The following OR13C4 variants were observed in gnomAD, a reference collection of about 807,000 sequenced individuals.
The protein encoded by OR13C4 is olfactory receptor family 13 subfamily C member 4, also known as olfactory receptor 13C4.
For synonymous variants in OR13C4, 138 were observed against 140.8 expected (o/e 0.98, Z 0.14); for missense variants, 383 against 381.7 (o/e 1.00, Z -0.03).
In OR13C4 at chr9:104,526,989, G is replaced by T. The variant is rs753908892; in HGVS notation, c.221C>A (p.Thr74Lys). 7 of 1,614,138 alleles carry T rather than the reference G, an allele frequency of 4.3e-6. No homozygotes were observed. In the South Asian group the frequency reaches 4.4e-5, roughly 10 times the overall value. ...GNLSFLDICY[T>K]TSSIPSTLVS... Reference sequence around the variant, plus strand: ...CAGTGTTGAGGGAATGGAGGAGGTTGTATAGCAGATATCCAGGAAAGAGAG... The same window carrying T: ...CAGTGTTGAGGGAATGGAGGAGGTTTTATAGCAGATATCCAGGAAAGAGAG... The change falls in exon 1 of 1, where the codon ACA becomes AAA. Residue 74 changes from threonine to lysine, a missense_variant. By Grantham distance (78) the Thr-to-Lys change is moderately conservative. Transcript: ENST00000277216.
In OR13C4 at chr9:104,526,881, G is replaced by T. The variant is rs1441840803; in HGVS notation, c.329C>A (p.Thr110Lys). The T allele has an allele frequency of 1.9e-6, 3 of 1,614,040 alleles. No homozygotes were observed. Among genetic ancestry groups the T allele is most frequent in the Admixed American group, 1.7e-5 (1 of 59,998 alleles). The change falls in exon 1 of 1, where the codon ACA becomes AAA. Residue 110 changes from threonine to lysine, a missense_variant. Physicochemically the swap from Thr to Lys is moderately conservative, Grantham distance 78. Coordinates refer to ENST00000277216, the MANE Select transcript of OR13C4 (RefSeq NM_001001919.1). ...CATCATGCCAAGGAGGAAACATTCTGTTGACCCCATTGCAAACCCAAAGAA... is the reference window on the plus strand; with the variant it reads ...CATCATGCCAAGGAGGAAACATTCTTTTGACCCCATTGCAAACCCAAAGAA... Reference protein sequence around the residue: ...QMFFGFAMGSTECFLLGMMAF... With the variant: ...QMFFGFAMGSKECFLLGMMAF...
chr9:104,526,263 A>G lies in OR13C4; in HGVS notation c.947T>C (p.Ile316Thr), dbSNP rs1564206228. 6.4e-7 allele frequency: 1 copy of G among 1,570,344 alleles called. No homozygotes were observed. The highest frequency in any genetic ancestry group is 1.1e-5 in the South Asian group (1 of 87,686). Residue 316 changes from isoleucine (I) to threonine (T), a missense_variant, in exon 1 of 1, where the codon ATT becomes ACT. By Grantham distance (89) the Ile-to-Thr change is moderately conservative. Transcript: ENST00000277216. ...AIKYLLSRKA[I>T]NQ is the part of the protein sequence containing the mutation. ...TATATCCCTTTGATCTTACTGGTTA[A>G]TAGCTTTCCTGCTCAGCAAATATTT...
In OR13C4 at chr9:104,526,626, T is replaced by A; in HGVS notation, c.584A>T (p.Asn195Ile). The A allele has an allele frequency of 6.2e-7, 1 of 1,613,520 alleles. No homozygotes were observed. The highest frequency in any genetic ancestry group is 8.5e-7 in the Non-Finnish European group (1 of 1,179,466). ...LKLACSDISV[N>I]IVTLAVSNIA... The stretch of plus-strand genomic sequence containing the variant: ...ATTTGACACTGCTAGGGTAACAATA[T>A]TGACAGATATATCAGAACAAGCTAA... The change falls in exon 1 of 1, where the codon AAT becomes ATT. Residue 195 changes from asparagine (N) to isoleucine (I), a missense_variant. Coordinates refer to ENST00000277216, the MANE Select transcript of OR13C4 (RefSeq NM_001001919.1).
At position 104,526,609 on chromosome 9, in the gene OR13C4, C is replaced by T; in HGVS notation, c.601G>A (p.Val201Met). Residue 201 changes from valine (V) to methionine (M), a missense_variant, in exon 1 of 1, where the codon GTG becomes ATG. Transcript: ENST00000277216. ...AGAACTAGGAAAGCAATATTTGACA[C>T]TGCTAGGGTAACAATATTGACAGAT... ...DISVNIVTLA[V>M]SNIAFLVLPL... 6.2e-7 allele frequency: 1 copy of T among 1,613,532 alleles called. No individual in the cohort carries two copies. The highest frequency in any genetic ancestry group is 8.5e-7 in the Non-Finnish European group (1 of 1,179,438).
rs1431857114 is a variant in OR13C4, at chr9:104,526,776, G to C, written c.434C>G (p.Thr145Ser). The change falls in exon 1 of 1, where the codon ACT becomes AGT. Residue 145 changes from threonine to serine, a missense_variant. Coordinates refer to ENST00000277216, the MANE Select transcript of OR13C4 (RefSeq NM_001001919.1). ...IMNKVVYVLLTSVSWLSGGIN... is the reference protein window; with the variant it reads ...IMNKVVYVLLSSVSWLSGGIN... The stretch of plus-strand genomic sequence containing the variant: ...TCCACCAGAAAGCCATGATACAGAA[G>C]TCAGCAGTACATACACCACCTTGTT... The C allele has an allele frequency of 6.2e-7, 1 of 1,614,038 alleles. No individual in the cohort carries two copies. Among genetic ancestry groups the C allele is most frequent in the Non-Finnish European group, 8.5e-7 (1 of 1,180,016 alleles).
Position 104,527,133 on chromosome 9 carries a change from A to T in OR13C4, c.77T>A (p.Ile26Asn). ...GLSGYPKLEI[I>N]FFALILVMYV... is the part of the protein sequence containing the mutation. ...CATAACTAGAATCAGAGCAAAGAAA[A>T]TGATCTCAAGTTTGGGGTAACCAGA... The change falls in exon 1 of 1, where the codon ATT becomes AAT. Residue 26 changes from isoleucine (I) to asparagine (N), a missense_variant. Ile to Asn is a moderately radical substitution (Grantham distance 149). Transcript: ENST00000277216. The T allele has an allele frequency of 5.0e-6, 8 of 1,613,542 alleles. No homozygotes were observed. The highest frequency in any genetic ancestry group is 6.8e-6 in the Non-Finnish European group (8 of 1,179,788).
At position 104,526,357 on chromosome 9, in the gene OR13C4, C is replaced by T. The variant is rs1293704479; in HGVS notation, c.853G>A (p.Gly285Arg). ...GGGTTTAACATGGGGGTCACAACCC[C>T]ATAAAACATGGAAACAAGCCCCTCT... ...ATEGLVSMFYGVVTPMLNPII... is the reference protein window; with the variant it reads ...ATEGLVSMFYRVVTPMLNPII... The change falls in exon 1 of 1, where the codon GGG (glycine) becomes AGG (arginine). Residue 285 changes from glycine (G) to arginine (R), a missense_variant. Gly to Arg is a moderately radical substitution (Grantham distance 125, BLOSUM62 -2). Coordinates refer to ENST00000277216, the MANE Select transcript of OR13C4 (RefSeq NM_001001919.1). The T allele has an allele frequency of 6.2e-7, 1 of 1,613,650 alleles. No homozygotes were observed. Among genetic ancestry groups the T allele is most frequent in the Non-Finnish European group, 8.5e-7 (1 of 1,179,682 alleles).
In OR13C4 at chr9:104,526,985, G is replaced by T. The variant is rs778027196; in HGVS notation, c.225C>A (p.Thr75=). ...NLSFLDICYT[T]SSIPSTLVSL... ...TCACCAGTGTTGAGGGAATGGAGGA[G>T]GTTGTATAGCAGATATCCAGGAAAG... The change falls in exon 1 of 1, where the codon ACC becomes ACA. Residue 75 remains threonine, a synonymous_variant. Coordinates refer to ENST00000277216, the MANE Select transcript of OR13C4 (RefSeq NM_001001919.1). 6.8e-6 allele frequency: 11 copies of T among 1,614,008 alleles called. No homozygotes were observed.
At position 104,526,690 on chromosome 9, in the gene OR13C4, T is replaced by A. The variant is rs753690469; in HGVS notation, c.520A>T (p.Ile174Phe). The change falls in exon 1 of 1, where the codon ATT (isoleucine) becomes TTT (phenylalanine). Residue 174 changes from isoleucine (I) to phenylalanine (F), a missense_variant. Physicochemically the swap from Ile to Phe is conservative, Grantham distance 21 (BLOSUM62 0). Coordinates refer to ENST00000277216, the MANE Select transcript of OR13C4 (RefSeq NM_001001919.1). ...MRWPFCGNNI[I>F]NHFLCEILAV... Reference sequence around the variant, plus strand: ...AAGATCTCGCATAAGAAATGATTAATAATATTGTTCCCACAGAAAGGCCAT... The same window carrying A: ...AAGATCTCGCATAAGAAATGATTAAAAATATTGTTCCCACAGAAAGGCCAT... 16 of 1,613,892 alleles carry A rather than the reference T, an allele frequency of 9.9e-6. No homozygotes were observed. Among genetic ancestry groups the A allele is most frequent in the Non-Finnish European group, 1.4e-5 (16 of 1,179,848 alleles).
chr9:104,526,354 C>G lies in OR13C4; in HGVS notation c.856G>C (p.Val286Leu). The G allele has an allele frequency of 6.2e-7, 1 of 1,613,606 alleles. No homozygotes were observed. The highest frequency in any genetic ancestry group is 2.2e-5 in the East Asian group (1 of 44,872). ...ATGGGGTTTAACATGGGGGTCACAA[C>G]CCCATAAAACATGGAAACAAGCCCC... Reference protein sequence around the residue: ...TEGLVSMFYGVVTPMLNPIIY... With the variant: ...TEGLVSMFYGLVTPMLNPIIY... Residue 286 changes from valine (V) to leucine (L), a missense_variant, in exon 1 of 1, where the codon GTT (valine) becomes CTT (leucine). Physicochemically the swap from Val to Leu is conservative, Grantham distance 32. Coordinates refer to ENST00000277216, the MANE Select transcript of OR13C4 (RefSeq NM_001001919.1).
rs763903725 is a variant in OR13C4 at position 104,526,284 on chromosome 9, T to C, written c.926A>G (p.Tyr309Cys). ...GTTAATAGCTTTCCTGCTCAGCAAA[T>C]ATTTTATAGCAGCTTTTACATCTTT... ...RNKDVKAAIK[Y>C]LLSRKAINQ Residue 309 changes from tyrosine (Y) to cysteine (C), a missense_variant, in exon 1 of 1, where the codon TAT (tyrosine) becomes TGT (cysteine). Coordinates refer to ENST00000277216, the MANE Select transcript of OR13C4 (RefSeq NM_001001919.1). 3.0e-5 allele frequency: 48 copies of C among 1,600,170 alleles called. 2 individuals are homozygous for C. The South Asian group carries it at 4.9e-4, about 16-fold the overall frequency.
chr9:104,526,332 G>T lies in OR13C4; in HGVS notation c.878C>A (p.Pro293His). ...TTTATTTCTCAAGCTATAGATTATGGGGTTTAACATGGGGGTCACAACCCC... is the reference window on the plus strand; with the variant it reads ...TTTATTTCTCAAGCTATAGATTATGTGGTTTAACATGGGGGTCACAACCCC... ...FYGVVTPMLN[P>H]IIYSLRNKDV... Residue 293 changes from proline (P) to histidine (H), a missense_variant, in exon 1 of 1, where the codon CCC becomes CAC. By Grantham distance (77) the Pro-to-His change is moderately conservative. Coordinates refer to ENST00000277216, the MANE Select transcript of OR13C4 (RefSeq NM_001001919.1). 6.2e-7 allele frequency: 1 copy of T among 1,612,970 alleles called. No individual in the cohort carries two copies. Among genetic ancestry groups the T allele is most frequent in the Non-Finnish European group, 8.5e-7 (1 of 1,179,424 alleles).
rs764493337 is a variant in OR13C4 at position 104,526,426 on chromosome 9, G to T, written c.784C>A (p.Pro262Thr). Residue 262 changes from proline to threonine, a missense_variant, in exon 1 of 1, where the codon CCT (proline) becomes ACT (threonine). Coordinates refer to ENST00000277216, the MANE Select transcript of OR13C4 (RefSeq NM_001001919.1). Reference protein sequence around the residue: ...YGTIFFMYAKPKSQDLLGKDN... With the variant: ...YGTIFFMYAKTKSQDLLGKDN... ...TTCCCAAGGAGGTCCTGGGACTTAGGTTTTGCATACATAAAGAAGATGGTA... is the reference window on the plus strand; with the variant it reads ...TTCCCAAGGAGGTCCTGGGACTTAGTTTTTGCATACATAAAGAAGATGGTA... 3 of 1,614,066 alleles carry T rather than the reference G, an allele frequency of 1.9e-6. No homozygotes were observed. Among genetic ancestry groups the T allele is most frequent in the Non-Finnish European group, 2.5e-6 (3 of 1,179,972 alleles).
rs201735138 is a variant in OR13C4 at position 104,527,074 on chromosome 9, T to A, written c.136A>T (p.Ile46Phe). 5 of 1,613,880 alleles carry A rather than the reference T, an allele frequency of 3.1e-6. No homozygotes were observed. The highest frequency in any genetic ancestry group is 4.2e-6 in the Non-Finnish European group (5 of 1,179,936). Reference sequence around the variant, plus strand: ...CGAGAATCCAAGATGCTTGCTATGATCAGAACACCATTGCCAATTAGAATC... The same window carrying A: ...CGAGAATCCAAGATGCTTGCTATGAACAGAACACCATTGCCAATTAGAATC... ...VVILIGNGVL[I>F]IASILDSRLH... is the part of the protein sequence containing the mutation. The change falls in exon 1 of 1, where the codon ATC becomes TTC. Residue 46 changes from isoleucine (I) to phenylalanine (F), a missense_variant. Coordinates refer to ENST00000277216, the MANE Select transcript of OR13C4 (RefSeq NM_001001919.1).
At position 104,526,411 on chromosome 9, in the gene OR13C4, G is replaced by A. The variant is rs756691943; in HGVS notation, c.799C>T (p.Leu267Phe). ...GCTTGCAAGTTGTCTTTCCCAAGGA[G>A]GTCCTGGGACTTAGGTTTTGCATAC... ...FMYAKPKSQD[L>F]LGKDNLQATE... Residue 267 changes from leucine (L) to phenylalanine (F), a missense_variant, in exon 1 of 1, where the codon CTC (leucine) becomes TTC (phenylalanine). Physicochemically the swap from Leu to Phe is conservative, Grantham distance 22 (BLOSUM62 0). Coordinates refer to ENST00000277216, the MANE Select transcript of OR13C4 (RefSeq NM_001001919.1). 6 of 1,613,652 alleles carry A rather than the reference G, an allele frequency of 3.7e-6. No homozygotes were observed. The highest frequency in any genetic ancestry group is 3.3e-5 in the Admixed American group (2 of 60,008).
In OR13C4 at chr9:104,527,079, A is replaced by C. The variant is rs780496440; in HGVS notation, c.131T>G (p.Val44Gly). Residue 44 changes from valine to glycine, a missense_variant, in exon 1 of 1, where the codon GTT (valine) becomes GGT (glycine). By Grantham distance (109) the Val-to-Gly change is moderately radical. Coordinates refer to ENST00000277216, the MANE Select transcript of OR13C4 (RefSeq NM_001001919.1). ...MYVVILIGNG[V>G]LIIASILDSR... ...ATCCAAGATGCTTGCTATGATCAGA[A>C]CACCATTGCCAATTAGAATCACTAC... The C allele has an allele frequency of 5.6e-6, 9 of 1,613,862 alleles. No individual in the cohort carries two copies. The Admixed American group carries it at 1.5e-4, about 27-fold the overall frequency.
chr9:104,526,347 G>A lies in OR13C4; in HGVS notation c.863C>T (p.Thr288Ile). ...ATAGATTATGGGGTTTAACATGGGG[G>A]TCACAACCCCATAAAACATGGAAAC... The part of the protein sequence containing the change: ...GLVSMFYGVV[T>I]PMLNPIIYSL... Residue 288 changes from threonine to isoleucine, a missense_variant, in exon 1 of 1, where the codon ACC (threonine) becomes ATC (isoleucine). Transcript: ENST00000277216. 1 of 1,612,836 alleles carries A rather than the reference G, an allele frequency of 6.2e-7. No individual in the cohort carries two copies. The highest frequency in any genetic ancestry group is 2.2e-5 in the East Asian group (1 of 44,866).
Position 104,527,142 on chromosome 9 carries a change from A to T in OR13C4, c.68T>A (p.Leu23His). The T allele has an allele frequency of 6.2e-7, 1 of 1,613,254 alleles. No individual in the cohort carries two copies. The highest frequency in any genetic ancestry group is 1.7e-4 in the Middle Eastern group (1 of 6,060). ...AATCAGAGCAAAGAAAATGATCTCA[A>T]GTTTGGGGTAACCAGAGAGTCCCAG... ...ILLGLSGYPK[L>H]EIIFFALILV... The change falls in exon 1 of 1, where the codon CTT becomes CAT. Residue 23 changes from leucine to histidine, a missense_variant. Transcript: ENST00000277216.
rs148798674 is a variant in OR13C4, at chr9:104,526,377, C to A, written c.833G>T (p.Gly278Val). 18 of 1,613,206 alleles carry A rather than the reference C, an allele frequency of 1.1e-5. No individual in the cohort carries two copies. The African/African-American group carries it at 2.1e-4, about 19-fold the overall frequency. The stretch of plus-strand genomic sequence containing the variant: ...AACCCCATAAAACATGGAAACAAGC[C>A]CCTCTGTAGCTTGCAAGTTGTCTTT... Reference protein sequence around the residue: ...LGKDNLQATEGLVSMFYGVVT... With the variant: ...LGKDNLQATEVLVSMFYGVVT... Residue 278 changes from glycine to valine, a missense_variant, in exon 1 of 1, where the codon GGG becomes GTG. By Grantham distance (109) the Gly-to-Val change is moderately radical. Coordinates refer to ENST00000277216, the MANE Select transcript of OR13C4 (RefSeq NM_001001919.1).
Sources: allele counts gnomAD v4.1 joint callset, GRCh38; gene constraint gnomAD v4.1.1; transcripts MANE v1.5; gene names NCBI Gene and HGNC (gene_info 2026-07-23, HGNC 2026-07-21).